TMX4: variants seen among roughly 807,000 people sequenced by gnomAD.
TMX4 encodes the protein thioredoxin related transmembrane protein 4, also known as thioredoxin-related transmembrane protein 4.
Under a neutral mutation model 33.3 loss-of-function variants are expected in TMX4, and 23 were observed. The observed-to-expected ratio is 0.69, with a 90% CI of 0.50 to 0.98. The LOEUF (loss-of-function observed/expected upper bound fraction) is 0.98. Among genes scored for constraint, TMX4 ranks in the 50% least tolerant of loss-of-function variants. The probability of loss-of-function intolerance (pLI) is 0.00; values close to 1 mark genes in which losing one functional copy is unlikely to be tolerated. For synonymous variants in TMX4, 164 were observed against 161.5 expected, an observed-to-expected ratio of 1.02 and a Z score of -0.12; for missense variants, 399 against 448.9, an observed-to-expected ratio of 0.89 and a Z score of 1.01.
Position 7,982,163 on chromosome 20 carries a change from G to A in TMX4, c.*88C>T, listed in dbSNP as rs927689187. ...TTTTAAGAGAAGCTTGCTCATTCAG[G>A]AAAAATTAAGGATTTGGTACAAACT... is the stretch of plus-strand genomic sequence containing the variant. On this transcript the variant is annotated 3_prime_UTR_variant, in exon 8 of 8. Transcript: ENST00000246024. The A allele has an allele frequency of 4.3e-6, 6 of 1,391,054 alleles. No individual in the cohort carries two copies. The highest frequency in any genetic ancestry group is 5.8e-6 in the Non-Finnish European group (6 of 1,036,980). 86.2% of individuals were successfully genotyped at this position (1,391,054 alleles called of 1,614,324 possible). A position where few individuals can be genotyped will look rare whatever the true frequency, so the allele number is the denominator to read the frequency against.
intron 5 of TMX4, among the ~76,000 whole-genome samples, chr20:7,993,997 G>C (rs1347171397): frequency 6.6e-6 from 1 of 151,354 alleles, no homozygotes; most frequent in Non-Finnish European, 1.5e-5. Flanking sequence ...TAATCAAAAG[G>C]TTGAAAATAG....
chr20:8,013,922 G>C (rs1193830828), intron 1 of TMX4: 1 of 152,088 alleles, frequency 6.6e-6, no homozygotes, highest in African/African-American at 2.4e-5. Context: ...TGATCAAAAT[G>C]CTCAGAATAC....
At chr20:7,985,119 C>A (rs1407037111) in intron 6 of TMX4, among the ~76,000 whole-genome samples, 1 of 151,740 alleles carries the variant, frequency 6.6e-6, no homozygotes, top group East Asian at 1.9e-4. Context: ...GTAACTCTCA[C>A]AAAACAGAAG....
chr20:8,005,697 G>A (rs996381622), intron 2 of TMX4, among the ~76,000 whole-genome samples: 2 of 152,106 alleles, frequency 1.3e-5, no homozygotes, highest in Non-Finnish European at 2.9e-5. Context: ...AACACACAGC[G>A]GCTGGACATC....
At chr20:8,003,445 TC>T (rs1474425665) in intron 2 of TMX4, among the ~76,000 whole-genome samples, 10 of 152,162 alleles carry the variant, frequency 6.6e-5, no homozygotes, top group African/African-American at 2.4e-4. Flanking sequence ...TTTTGTATGT[TC>T]TTAGTCATCA....
At chr20:7,997,295 A>C (rs2050680510) in intron 4 of TMX4, among the ~76,000 whole-genome samples, 1 of 151,966 alleles carries the variant, frequency 6.6e-6, no homozygotes, top group Non-Finnish European at 1.5e-5. Flanking sequence ...ATTTCCATGC[A>C]TCTGATATGC....
intron 5 of TMX4, among the ~76,000 whole-genome samples, chr20:7,991,946 G>C (rs1351651971): frequency 1.3e-5 from 2 of 151,664 alleles, no homozygotes; most frequent in Non-Finnish European, 2.9e-5. Flanking sequence ...TGTGAAAAGA[G>C]GGAAGACAGA....
chr20:8,019,224 T>G, intron 1 of TMX4: 96 of 531,432 alleles, frequency 1.8e-4, no homozygotes, highest in East Asian at 3.6e-4. Context: ...CCGCAGGTCG[T>G]TGGTAAGGCG....
Position 7,982,118 on chromosome 20 carries a change from C to T in TMX4, c.*133G>A. The T allele has an allele frequency of 1.1e-6, 1 of 926,004 alleles. No homozygotes were observed. Among genetic ancestry groups the T allele is most frequent in the Non-Finnish European group, 1.6e-6 (1 of 631,938 alleles). 57.4% of individuals were successfully genotyped at this position (926,004 alleles called of 1,614,324 possible). ...ATACATGAGGCTTACTGCCATGAGA[C>T]CAAATGACTAGAGAGCATCTTTTAA... On this transcript the variant is annotated 3_prime_UTR_variant, in exon 8 of 8. Transcript: ENST00000246024.
chr20:8,006,502 A>G (rs1242757343), intron 2 of TMX4, among the ~76,000 whole-genome samples: 2 of 152,226 alleles, frequency 1.3e-5, no homozygotes, highest in African/African-American at 2.4e-5. Context: ...AATACACAGT[A>G]AAGTGCTCAA....
At chr20:7,993,355 T>A (rs1240915987) in intron 5 of TMX4, among the ~76,000 whole-genome samples, 1 of 152,206 alleles carries the variant, frequency 6.6e-6, no homozygotes, top group African/African-American at 2.4e-5. Flanking sequence ...GATCTAGACA[T>A]GAGTTAAAAA....
At chr20:7,986,002 G>A (rs921243733) in intron 6 of TMX4, among the ~76,000 whole-genome samples, 7 of 152,088 alleles carry the variant, frequency 4.6e-5, no homozygotes, top group East Asian at 3.9e-4. Context: ...TCATTGACTC[G>A]CCTGGGACCT....
intron 3 of TMX4, 90 bp downstream of exon 3, chr20:8,001,406 G>T: frequency 7.8e-7 from 1 of 1,288,014 alleles, no homozygotes; most frequent in Non-Finnish European, 1.1e-6. Context: ...TAAGCTGAAT[G>T]AGTGGCAGTC....
intron 1 of TMX4, 105 bp downstream of exon 1, chr20:8,019,333 G>T: frequency 7.5e-7 from 1 of 1,330,904 alleles, no homozygotes; most frequent in Non-Finnish European, 1.0e-6. Context: ...CGGGGTTTTA[G>T]GTTGAGCCCA....
At chr20:8,012,277 C>G (rs1049238539) in intron 1 of TMX4, among the ~76,000 whole-genome samples, 18 of 152,086 alleles carry the variant, frequency 1.2e-4, no homozygotes, top group Non-Finnish European at 4.4e-5. Context: ...GGGATAATAA[C>G]AGTAGCTACC....
At chr20:8,010,107 T>C (rs181204721) in intron 2 of TMX4, 93 bp downstream of exon 2, 1 of 994,942 alleles carries the variant, frequency 1.0e-6, no homozygotes, top group Non-Finnish European at 1.5e-6. Flanking sequence ...GGGTAATCAA[T>C]ATCCCAGACT....
intron 1 of TMX4, among the ~76,000 whole-genome samples, chr20:8,011,062 A>G (rs2050750942): frequency 1.3e-5 from 2 of 152,114 alleles, no homozygotes; most frequent in Admixed American, 1.3e-4. Context: ...ACATCATATT[A>G]TTCTTATTTT....
intron 1 of TMX4, among the ~76,000 whole-genome samples, chr20:8,018,376 AG>A (rs2050787167): frequency 1.8e-5 from 1 of 56,560 alleles, no homozygotes. Flanking sequence ...GAGGAGAGAG[AG>A]GAGAGAGAGA....
chr20:7,999,650 T>A (rs552059538), intron 4 of TMX4, 82 bp downstream of exon 4: 9 of 1,466,406 alleles, frequency 6.1e-6, no homozygotes, highest in Non-Finnish European at 8.2e-6. Flanking sequence ...AAGTAAAACA[T>A]AGGCTTTTTT....
Sources: allele counts gnomAD v4.1 joint callset (sites outside exome capture counted in the v4.1 genomes callset), GRCh38; gene constraint gnomAD v4.1.1; transcripts MANE v1.5; gene names NCBI Gene and HGNC (gene_info 2026-07-23, HGNC 2026-07-21).